The following AFF2 variants were observed in gnomAD, a reference collection of about 807,000 sequenced individuals.
AFF2 encodes the protein AF4/FMR2 family member 2.
AFF2 carries 14 observed loss-of-function variants against 76.9 expected under a neutral mutation model. That is an observed-to-expected ratio of 0.18 (90% CI 0.12 to 0.28). AFF2 has a LOEUF of 0.28. AFF2 is among the 10% of genes least tolerant of loss of function. The pLI is 1.00. For missense variants in AFF2, 868 were observed against 1,001.1 expected (o/e 0.87, Z 1.79); for synonymous variants, 398 against 366.7 (o/e 1.09, Z -0.98).
In AFF2 at chrX:148,834,505, ATGTGTGTGTG is replaced by A. The variant is rs61709112; in HGVS notation, c.1087-3108_1087-3099del. ...TTGTGGAAGTTCAGACCAGTCTCAG[ATGTGTGTGTG>A]TGTGTGTGTGTGTGTGTGTGTGTGT... On this transcript the variant is annotated intron_variant, in intron 4 of 20. Coordinates refer to ENST00000370460, the MANE Select transcript of AFF2 (RefSeq NM_002025.4). Among the ~76,000 whole-genome samples the A allele has an allele frequency of 3.7e-3, 337 of 91,641 alleles. 2 individuals carry two copies. In the South Asian group the frequency reaches 0.037, roughly 10 times the overall value. The allele number at this position is 91,641 out of a possible 115,157, so 79.6% of individuals were successfully genotyped here. A position where few individuals can be genotyped will look rare whatever the true frequency, so the allele number is the denominator to read the frequency against.
intron 3 of AFF2, among the ~76,000 whole-genome samples, chrX:148,696,787 A>T (rs369864957): frequency 8.9e-6 from 1 of 111,867 alleles, no homozygotes; most frequent in Non-Finnish European, 1.9e-5. Context: ...TCATCACCCA[A>T]TTCAAAATTT....
chrX:148,884,411 CTCCTT>C (rs782687972), intron 7 of AFF2, among the ~76,000 whole-genome samples: 10 of 112,197 alleles, frequency 8.9e-5, no homozygotes, highest in Admixed American at 7.6e-4. Flanking sequence ...TGCCCTGACT[CTCCTT>C]TCAATATTTG....
chrX:148,514,950 A>G (rs2052519411), intron 1 of AFF2, among the ~76,000 whole-genome samples: 1 of 111,948 alleles, frequency 8.9e-6, no homozygotes, highest in Non-Finnish European at 1.9e-5. Context: ...CAGTGTTTTG[A>G]AAGGTGAGAA....
rs1211532121 is a variant in AFF2, at chrX:148,956,535, G to C, written c.2490G>C (p.Glu830Asp). ...HAAPAKPDHK[E>D]TATKPKRQTA... Reference sequence around the variant, plus strand: ...CACCTGCCAAGCCAGACCACAAGGAGACTGCCACAAAACCCAAGCGTCAGA... The same window carrying C: ...CACCTGCCAAGCCAGACCACAAGGACACTGCCACAAAACCCAAGCGTCAGA... The change falls in exon 11 of 21, where the codon GAG becomes GAC. Residue 830 changes from glutamate to aspartate, a missense_variant. Transcript: ENST00000370460. 1 of 1,210,490 alleles carries C rather than the reference G, an allele frequency of 8.3e-7. No individual in the cohort carries two copies. Among genetic ancestry groups the C allele is most frequent in the Non-Finnish European group, 1.1e-6 (1 of 895,367 alleles).
chrX:148,614,734 C>CTTTCT (rs1569552164), intron 1 of AFF2, among the ~76,000 whole-genome samples: 39 of 41,308 alleles, frequency 9.4e-4, no homozygotes, highest in African/African-American at 2.2e-3. Context: ...TCTTTCTTTC[C>CTTTCT]TTCTTTTCTT....
At chrX:148,859,245 G>GA (rs1557276187) in intron 7 of AFF2, among the ~76,000 whole-genome samples, 1 of 107,841 alleles carries the variant, frequency 9.3e-6, no homozygotes, top group African/African-American at 3.4e-5. Context: ...AAGAGAATGA[G>GA]AAAAAATAAC....
intron 15 of AFF2, among the ~76,000 whole-genome samples, chrX:148,969,383 T>C (rs925040007): frequency 4.4e-5 from 5 of 112,433 alleles, no homozygotes; most frequent in Non-Finnish European, 7.5e-5. Flanking sequence ...TAAAATTTCA[T>C]TGGGGGTACG....
At chrX:148,760,064 C>T in intron 3 of AFF2, among the ~76,000 whole-genome samples, 1 of 112,196 alleles carries the variant, frequency 8.9e-6, no homozygotes, top group South Asian at 3.7e-4. Flanking sequence ...GCCCAAAAGC[C>T]ATTTTGACTC....
At chrX:148,832,325 A>G (rs921837861) in intron 4 of AFF2, among the ~76,000 whole-genome samples, 4 of 112,343 alleles carry the variant, frequency 3.6e-5, no homozygotes, top group African/African-American at 9.7e-5. Flanking sequence ...GATAAACTTG[A>G]ACCCGATTTT....
chrX:148,533,355 C>T (rs782488839), intron 1 of AFF2, among the ~76,000 whole-genome samples: 38 of 109,287 alleles, frequency 3.5e-4, no homozygotes, highest in Non-Finnish European at 5.9e-4. Flanking sequence ...TGCAGTGGTG[C>T]GACCTTGGCT....
intron 16 of AFF2, among the ~76,000 whole-genome samples, chrX:148,975,329 G>T (rs2072307894): frequency 8.9e-6 from 1 of 112,101 alleles, no homozygotes; most frequent in Admixed American, 9.4e-5. Flanking sequence ...GCACACAATT[G>T]GAAGCACACC....
intron 1 of AFF2, among the ~76,000 whole-genome samples, chrX:148,599,001 G>A (rs563090537): frequency 3.6e-5 from 4 of 112,265 alleles, no homozygotes; most frequent in East Asian, 2.8e-4. Flanking sequence ...ACTCTAGAAC[G>A]GTAACAGAGT....
At chrX:148,781,089 G>A (rs2069737467) in intron 3 of AFF2, among the ~76,000 whole-genome samples, 1 of 112,044 alleles carries the variant, frequency 8.9e-6, no homozygotes, top group African/African-American at 3.2e-5. Context: ...CTTCAGAACA[G>A]CAAAGATTGC....
chrX:148,740,850 G>A (rs782464375), intron 3 of AFF2, among the ~76,000 whole-genome samples: 1 of 111,936 alleles, frequency 8.9e-6, no homozygotes, highest in Non-Finnish European at 1.9e-5. Flanking sequence ...CTCCCTTGAT[G>A]TAGTACTCTC....
intron 3 of AFF2, among the ~76,000 whole-genome samples, chrX:148,807,220 G>A (rs978516362): frequency 8.9e-6 from 1 of 111,844 alleles, no homozygotes; most frequent in Non-Finnish European, 1.9e-5. Context: ...ATATTTCAAA[G>A]AGTAGAGATG....
intron 8 of AFF2, among the ~76,000 whole-genome samples, chrX:148,901,566 CT>C (rs2071355360): frequency 8.9e-6 from 1 of 112,020 alleles, no homozygotes; most frequent in African/African-American, 3.2e-5. Context: ...AATTTTCCTC[CT>C]TTTGCAGTGT....
At chrX:148,899,256 G>A (rs1436943129) in intron 8 of AFF2, among the ~76,000 whole-genome samples, 1 of 111,892 alleles carries the variant, frequency 8.9e-6, no homozygotes, top group Non-Finnish European at 1.9e-5. Context: ...TTTAAATGCT[G>A]TAATTAAGCG....
intron 3 of AFF2, among the ~76,000 whole-genome samples, chrX:148,773,178 A>G (rs1323992090): frequency 8.9e-6 from 1 of 112,041 alleles, no homozygotes; most frequent in Non-Finnish European, 1.9e-5. Context: ...CCATACACCA[A>G]GATGTTAAAT....
intron 1 of AFF2, among the ~76,000 whole-genome samples, chrX:148,634,189 G>A (rs2054006626): frequency 8.9e-6 from 1 of 111,836 alleles, no homozygotes; most frequent in African/African-American, 3.3e-5. Context: ...AAAGTGTTTC[G>A]CAGGTGTGTG....
Sources: gnomAD v4.1 joint callset for allele counts (sites outside exome capture counted in the v4.1 genomes callset) on GRCh38, gnomAD v4.1.1 for gene constraint, MANE v1.5 for transcripts, NCBI Gene and HGNC (gene_info 2026-07-23, HGNC 2026-07-21) for gene names.